CADM2: variants seen among roughly 807,000 people sequenced by gnomAD.
CADM2 encodes the protein cell adhesion molecule 2.
Under a neutral mutation model 49.8 loss-of-function variants are expected in CADM2, and 12 were observed. That is an observed-to-expected ratio of 0.24 (90% CI 0.15 to 0.39). The LOEUF (loss-of-function observed/expected upper bound fraction) is 0.39. Among genes scored for constraint, CADM2 ranks in the 10% least tolerant of loss-of-function variants. The pLI is 1.00. For missense variants in CADM2, 378 were observed against 492.3 expected (o/e 0.77, Z 2.20); for synonymous variants, 214 against 175.4 (o/e 1.22, Z -1.74).
rs112832568 is a variant in CADM2, at chr3:85,129,179, G to A, written c.61+169511G>A. Among the ~76,000 whole-genome samples the A allele has an allele frequency of 3.9e-3, 589 of 152,232 alleles. 3 individuals are homozygous for A. The highest frequency in any genetic ancestry group is 0.013 in the African/African-American group (525 of 41,550). Reference sequence around the variant, plus strand: ...AAGATTAAGTTAAAGTAGCTCAACAGTGCATCTGGGAAATAGGGCCTTTCA... The same window carrying A: ...AAGATTAAGTTAAAGTAGCTCAACAATGCATCTGGGAAATAGGGCCTTTCA... On this transcript the variant is annotated intron_variant, in intron 1 of 9. Transcript: ENST00000383699.
chr3:86,028,446 G>T (rs1438728183), intron 8 of CADM2, among the ~76,000 whole-genome samples: 1 of 151,946 alleles, frequency 6.6e-6, no homozygotes, highest in African/African-American at 2.4e-5. Context: ...AACATACCAA[G>T]AACCATAAAA....
chr3:85,724,072 A>G (rs1228954240), intron 1 of CADM2, among the ~76,000 whole-genome samples: 2 of 152,054 alleles, frequency 1.3e-5, no homozygotes, highest in Non-Finnish European at 2.9e-5. Context: ...AATAATTTTA[A>G]ATTATTTTCA....
chr3:86,066,166 C>T (rs1739283907), intron 9 of CADM2, among the ~76,000 whole-genome samples: 1 of 151,504 alleles, frequency 6.6e-6, no homozygotes, highest in Admixed American at 6.6e-5. Flanking sequence ...CCAAAAGAAA[C>T]GGTGACAAGT....
At chr3:85,542,787 T>C (rs1185563869) in intron 1 of CADM2, among the ~76,000 whole-genome samples, 1 of 152,226 alleles carries the variant, frequency 6.6e-6, no homozygotes, top group Admixed American at 6.5e-5. Flanking sequence ...AGCTAATTAT[T>C]GCAACAACAT....
intron 3 of CADM2, among the ~76,000 whole-genome samples, chr3:85,818,627 G>A (rs1577389209): frequency 6.6e-6 from 1 of 151,964 alleles, no homozygotes; most frequent in East Asian, 1.9e-4. Context: ...TTTTGCTTCT[G>A]CCATTGAATA....
chr3:85,980,956 C>CAGGA (rs1727405243), intron 8 of CADM2, among the ~76,000 whole-genome samples: 1 of 151,056 alleles, frequency 6.6e-6, no homozygotes, highest in Non-Finnish European at 1.5e-5. Flanking sequence ...GGTGTTATGC[C>CAGGA]AGGACCTAAA....
chr3:85,486,021 G>T (rs2039399708), intron 1 of CADM2, among the ~76,000 whole-genome samples: 1 of 152,026 alleles, frequency 6.6e-6, no homozygotes, highest in Admixed American at 6.6e-5. Context: ...GTTAAGAACC[G>T]AGTAGCAGAG....
At chr3:85,037,827 C>CTTTTTAATTTATAATATTATA (rs2035281797) in intron 1 of CADM2, among the ~76,000 whole-genome samples, 1 of 152,118 alleles carries the variant, frequency 6.6e-6, no homozygotes, top group East Asian at 1.9e-4. Flanking sequence ...ATTATATCCT[C>CTTTTTAATTTATAATATTATA]TTTCTTTTTA....
In CADM2 at chr3:85,274,561, G is replaced by C. The variant is rs886174417; in HGVS notation, c.61+314893G>C. The stretch of plus-strand genomic sequence containing the variant: ...TGGTTGCTTGTGCTAGTTGCCTCCT[G>C]ATTCATTCGATAGTCCAAGGGCTTT... On this transcript the variant is annotated intron_variant, in intron 1 of 9. Coordinates refer to ENST00000383699, the MANE Select transcript of CADM2 (RefSeq NM_001167675.2). Among the ~76,000 whole-genome samples the C allele has an allele frequency of 2.6e-5, 4 of 151,350 alleles. No homozygotes were observed. In the Admixed American group the frequency reaches 2.6e-4, roughly 10 times the overall value.
intron 1 of CADM2, among the ~76,000 whole-genome samples, chr3:85,441,341 A>G (rs2037193161): frequency 6.6e-6 from 1 of 152,002 alleles, no homozygotes; most frequent in South Asian, 2.1e-4. Context: ...GTATGCTAGT[A>G]ATTAAAATTA....
intron 1 of CADM2, among the ~76,000 whole-genome samples, chr3:84,977,223 A>C (rs564371273): frequency 2.6e-5 from 4 of 152,134 alleles, no homozygotes; most frequent in Non-Finnish European, 5.9e-5. Context: ...TCAGCAAATC[A>C]AGGTTTGATG....
At chr3:85,517,377 T>G (rs1169609191) in intron 1 of CADM2, among the ~76,000 whole-genome samples, 1 of 152,118 alleles carries the variant, frequency 6.6e-6, no homozygotes, top group Non-Finnish European at 1.5e-5. Flanking sequence ...TAAGAAATTA[T>G]TTTGAATTCT....
At chr3:85,410,686 T>C (rs2035616825) in intron 1 of CADM2, among the ~76,000 whole-genome samples, 1 of 152,206 alleles carries the variant, frequency 6.6e-6, no homozygotes, top group Non-Finnish European at 1.5e-5. Context: ...TACAACAAGT[T>C]ATTGGCTAAA....
At chr3:85,231,579 C>T (rs1217823040) in intron 1 of CADM2, among the ~76,000 whole-genome samples, 1 of 151,790 alleles carries the variant, frequency 6.6e-6, no homozygotes, top group Admixed American at 6.6e-5. Context: ...AAGAATATTA[C>T]TTTCTGGAGC....
intron 8 of CADM2, among the ~76,000 whole-genome samples, chr3:85,969,326 G>A (rs1331088781): frequency 6.6e-6 from 1 of 151,114 alleles, no homozygotes. Flanking sequence ...CTGTCTCTCT[G>A]GTCCTCTTTC....
At chr3:85,870,924 C>T (rs142395062) in intron 3 of CADM2, among the ~76,000 whole-genome samples, 2,415 of 152,076 alleles carry the variant, frequency 0.016, 62 homozygotes, top group African/African-American at 0.056. Context: ...ATGTAAAACC[C>T]AAAACTATAA....
intron 1 of CADM2, among the ~76,000 whole-genome samples, chr3:85,101,195 A>G (rs931658057): frequency 2.4e-4 from 37 of 152,202 alleles, no homozygotes; most frequent in Admixed American, 1.3e-4. Context: ...TGGAGGTTGC[A>G]GTGAGCCGAG....
intron 1 of CADM2, among the ~76,000 whole-genome samples, chr3:85,056,830 AT>A (rs1271539729): frequency 1.3e-5 from 2 of 152,112 alleles, no homozygotes; most frequent in African/African-American, 4.8e-5. Context: ...GATAGACTTC[AT>A]ATAGACGCTG....
intron 1 of CADM2, among the ~76,000 whole-genome samples, chr3:85,451,254 G>T (rs1036431622): frequency 3.9e-5 from 6 of 152,110 alleles, no homozygotes; most frequent in Admixed American, 3.3e-4. Context: ...GAATGGGAAT[G>T]AATCTATATT....
Sources: allele counts gnomAD v4.1 joint callset (sites outside exome capture counted in the v4.1 genomes callset), GRCh38; gene constraint gnomAD v4.1.1; transcripts MANE v1.5; gene names NCBI Gene and HGNC (gene_info 2026-07-23, HGNC 2026-07-21).